DNAH6: variants seen among roughly 807,000 people sequenced by gnomAD.
The protein encoded by DNAH6 is axonemal beta dynein heavy chain 6.
Under a neutral mutation model 491.4 loss-of-function variants are expected in DNAH6, and 340 were observed. That is an observed-to-expected ratio of 0.69 (90% CI 0.63 to 0.76). DNAH6 has a LOEUF of 0.76. Among genes scored for constraint, DNAH6 ranks in the 30% least tolerant of loss-of-function variants. The probability of loss-of-function intolerance (pLI) is 0.00; values close to 1 mark genes in which losing one functional copy is unlikely to be tolerated. For synonymous variants in DNAH6, 1,603 were observed against 1,686.1 expected, an observed-to-expected ratio of 0.95 and a Z score of 1.21; for missense variants, 4,443 against 4,972.2, an observed-to-expected ratio of 0.89 and a Z score of 3.20.
chr2:84,762,826 C>G lies in DNAH6; in HGVS notation c.10584C>G (p.Asp3528Glu). 1 of 1,551,064 alleles carries G rather than the reference C, an allele frequency of 6.4e-7. No individual in the cohort carries two copies. The highest frequency in any genetic ancestry group is 1.4e-5 in the African/African-American group (1 of 73,076). The change falls in exon 64 of 77, where the codon GAC (aspartate) becomes GAG (glutamate). Residue 3528 changes from aspartate to glutamate, a missense_variant. Asp to Glu is a conservative substitution (Grantham distance 45). This residue lies in a region of DNAH6 where 1,463 missense variants were observed against 1,656.6 expected (regional missense o/e 0.88). Transcript: ENST00000389394. ...AGTTTATAGAGACACCACCTGTGGACCTGCCTACCCTGTATCAAGACATGT... is the reference window on the plus strand; with the variant it reads ...AGTTTATAGAGACACCACCTGTGGAGCTGCCTACCCTGTATCAAGACATGT... ...GKQFIETPPV[D>E]LPTLYQDMSC... is the part of the protein sequence containing the mutation.
At chr2:84,793,100 G>A (rs887109745) in intron 68 of DNAH6, among the ~76,000 whole-genome samples, 1 of 152,160 alleles carries the variant, frequency 6.6e-6, no homozygotes, top group Admixed American at 6.5e-5. Context: ...AGGGAAAGGG[G>A]AAGCCACTAT....
chr2:84,583,858 C>CT, intron 14 of DNAH6, 141 bp from the exon 15 acceptor site: 1 of 875,900 alleles, frequency 1.1e-6, no homozygotes, highest in South Asian at 1.8e-5. Context: ...ATTACCCAGT[C>CT]TTAGATATGT....
At chr2:84,626,784 C>T (rs571781226) in intron 29 of DNAH6, among the ~76,000 whole-genome samples, 4 of 151,980 alleles carry the variant, frequency 2.6e-5, no homozygotes, top group African/African-American at 7.2e-5. Context: ...GTATTTTTAG[C>T]GGAGATGGGG....
At chr2:84,672,816 T>C (rs944000276) in intron 40 of DNAH6, among the ~76,000 whole-genome samples, 1 of 152,216 alleles carries the variant, frequency 6.6e-6, no homozygotes, top group Non-Finnish European at 1.5e-5. Flanking sequence ...ATTTGGACTA[T>C]CTCCAAATAC....
the DNAH6 span, among the ~76,000 whole-genome samples, chr2:84,487,453 C>T: frequency 6.6e-6 from 1 of 152,202 alleles, no homozygotes; most frequent in Non-Finnish European, 1.5e-5. Flanking sequence ...GCTTGAGCAA[C>T]TGCAATGGTA....
At chr2:84,481,923 G>C in the DNAH6 span, among the ~76,000 whole-genome samples, 10 of 152,206 alleles carry the variant, frequency 6.6e-5, no homozygotes, top group East Asian at 1.4e-3. Context: ...CCTTGTTTCT[G>C]TGACCCACTC....
intron 16 of DNAH6, among the ~76,000 whole-genome samples, chr2:84,593,706 A>C (rs1489500911): frequency 6.6e-6 from 1 of 152,112 alleles, no homozygotes; most frequent in Non-Finnish European, 1.5e-5. Flanking sequence ...TATAATATTT[A>C]TGTCTTTGGA....
At chr2:84,700,370 GT>G (rs1042481008) in intron 48 of DNAH6, among the ~76,000 whole-genome samples, 1 of 152,168 alleles carries the variant, frequency 6.6e-6, no homozygotes, top group Non-Finnish European at 1.5e-5. Context: ...GTAGGAAGAT[GT>G]GGGGGTAAGA....
chr2:84,488,385 T>A, the DNAH6 span, among the ~76,000 whole-genome samples: 5 of 82,614 alleles, frequency 6.1e-5, no homozygotes, highest in East Asian at 1.2e-3. Context: ...ATAAAAAAAA[T>A]TAAAAAATAA....
intron 36 of DNAH6, among the ~76,000 whole-genome samples, 154 bp from the exon 37 acceptor site, chr2:84,658,870 CTG>C (rs951438277): frequency 6.6e-6 from 1 of 152,088 alleles, no homozygotes; most frequent in Non-Finnish European, 1.5e-5. Flanking sequence ...AAACACTACT[CTG>C]TGAACCATTG....
At chr2:84,715,033 CAT>C (rs1022329525) in intron 57 of DNAH6, among the ~76,000 whole-genome samples, 9 of 151,814 alleles carry the variant, frequency 5.9e-5, no homozygotes, top group Non-Finnish European at 4.4e-5. Flanking sequence ...TTAGACAAAA[CAT>C]ATAAAACTTT....
chr2:84,780,451 G>A (rs1676574731), intron 64 of DNAH6, among the ~76,000 whole-genome samples: 1 of 152,038 alleles, frequency 6.6e-6, no homozygotes, highest in Admixed American at 6.5e-5. Flanking sequence ...ATTGTATTTT[G>A]AAACTCCTGT....
At chr2:84,808,131 A>ATGTGTGTGTGTGTGTG (rs35839006) in intron 71 of DNAH6, among the ~76,000 whole-genome samples, 1 of 141,152 alleles carries the variant, frequency 7.1e-6, no homozygotes, top group Non-Finnish European at 1.5e-5. Flanking sequence ...GTGTATATAT[A>ATGTGTGTGTGTGTGTG]TGTGTGTGTG....
At chr2:84,592,717 T>C (rs996419944) in intron 16 of DNAH6, among the ~76,000 whole-genome samples, 1 of 151,984 alleles carries the variant, frequency 6.6e-6, no homozygotes, top group Non-Finnish European at 1.5e-5. Flanking sequence ...ATAAAGAAAA[T>C]ATGGTATCTA....
chr2:84,619,167 C>T (rs1023815372), intron 23 of DNAH6, among the ~76,000 whole-genome samples: 1 of 152,182 alleles, frequency 6.6e-6, no homozygotes, highest in Non-Finnish European at 1.5e-5. Flanking sequence ...CCAATTTTCA[C>T]AGTAGCACAT....
At chr2:84,634,056 A>T (rs1001071708) in intron 29 of DNAH6, among the ~76,000 whole-genome samples, 3 of 152,188 alleles carry the variant, frequency 2.0e-5, no homozygotes, top group Admixed American at 1.3e-4. Flanking sequence ...AAGAATCACT[A>T]CTATAATCTG....
intron 37 of DNAH6, among the ~76,000 whole-genome samples, chr2:84,663,552 G>C (rs532374791): frequency 2.4e-3 from 364 of 152,246 alleles, no homozygotes; most frequent in African/African-American, 8.6e-3. Context: ...AGAGAAAAAA[G>C]AGTAAAAAGA....
intron 59 of DNAH6, among the ~76,000 whole-genome samples, chr2:84,721,285 C>T (rs1329996460): frequency 1.3e-5 from 2 of 152,006 alleles, no homozygotes; most frequent in South Asian, 2.1e-4. Flanking sequence ...GATTTGAAAG[C>T]TTTAGTTGAG....
rs916421635 is a variant in DNAH6, at chr2:84,715,613, G to A, written c.9597G>A (p.Glu3199=). 5.2e-6 allele frequency: 8 copies of A among 1,551,424 alleles called. No individual in the cohort carries two copies. Among genetic ancestry groups the A allele is most frequent in the African/African-American group, 1.4e-5 (1 of 73,012 alleles). The part of the protein sequence containing the change: ...INFTVTKSGL[E]DQLLSDVVRL... ...TCACTGTAACAAAATCAGGCCTGGA[G>A]GATCAGTTGTTAAGGTAAAAAAACA... Residue 3199 remains glutamate (E), a synonymous_variant, in exon 58 of 77, where the codon GAG becomes GAA. Coordinates refer to ENST00000389394, the MANE Select transcript of DNAH6 (RefSeq NM_001370.2).
Sources: allele counts gnomAD v4.1 joint callset (sites outside exome capture counted in the v4.1 genomes callset), GRCh38; gene constraint gnomAD v4.1.1; regional missense constraint gnomAD v4.1.1; transcripts MANE v1.5; gene names NCBI Gene and HGNC (gene_info 2026-07-23, HGNC 2026-07-21).